Variants in AGBL4 observed in about 807,000 individuals in gnomAD.
The protein encoded by AGBL4 is AGBL carboxypeptidase 4.
A neutral mutation model predicts 66.4 loss-of-function variants in AGBL4; 58 were observed. That is an observed-to-expected ratio of 0.87 (90% confidence interval 0.71 to 1.09). AGBL4 has a LOEUF of 1.09. Ranked by LOEUF, AGBL4 falls within the 50% of genes least tolerant of loss-of-function variation. The pLI, the probability that AGBL4 is intolerant of heterozygous loss-of-function variation, is 0.00. For missense variants in AGBL4, 579 were observed against 631.0 expected, an observed-to-expected ratio of 0.92 and a Z score of 0.88; for synonymous variants, 234 against 222.9, an observed-to-expected ratio of 1.05 and a Z score of -0.44.
At chr1:49,953,098 T>C (rs1441479049) in intron 1 of AGBL4, among the ~76,000 whole-genome samples, 1 of 151,990 alleles carries the variant, frequency 6.6e-6, no homozygotes, top group Non-Finnish European at 1.5e-5. Context: ...ATGATAGCCA[T>C]GAACAGAAGC....
chr1:49,947,952 A>ATATATATATATTTATAAATATATATT, intron 1 of AGBL4, among the ~76,000 whole-genome samples: 1 of 47,334 alleles, frequency 2.1e-5, no homozygotes, highest in Non-Finnish European at 3.8e-5. Flanking sequence ...AATAGCTGCA[A>ATATATATATATTTATAAATATATATT]TATATATATA....
intron 6 of AGBL4, among the ~76,000 whole-genome samples, chr1:48,667,581 T>C (rs1646209331): frequency 6.6e-6 from 1 of 152,202 alleles, no homozygotes; most frequent in Non-Finnish European, 1.5e-5. Context: ...TAATAAATAT[T>C]TGCTGTTTCA....
chr1:48,912,227 T>A (rs1225642555), intron 5 of AGBL4, among the ~76,000 whole-genome samples: 1 of 120,810 alleles, frequency 8.3e-6, no homozygotes, highest in Admixed American at 9.0e-5. Context: ...ATTTATCCTG[T>A]ATAGCATCGG....
chr1:49,187,806 G>A (rs1044837859), intron 4 of AGBL4, among the ~76,000 whole-genome samples: 3 of 152,000 alleles, frequency 2.0e-5, no homozygotes, highest in African/African-American at 4.8e-5. Context: ...CACATTGTGC[G>A]GAATATTCTT....
At chr1:49,099,864 T>C (rs1645169665) in intron 4 of AGBL4, among the ~76,000 whole-genome samples, 1 of 152,158 alleles carries the variant, frequency 6.6e-6, no homozygotes, top group African/African-American at 2.4e-5. Flanking sequence ...GAGAAGGCCC[T>C]GGGGCTTTGG....
At chr1:48,870,890 G>A (rs1429545296) in intron 5 of AGBL4, among the ~76,000 whole-genome samples, 2 of 152,118 alleles carry the variant, frequency 1.3e-5, no homozygotes, top group Non-Finnish European at 1.5e-5. Flanking sequence ...AGGTGCAAAC[G>A]AAAACAAAAG....
intron 3 of AGBL4, among the ~76,000 whole-genome samples, chr1:49,656,146 CAAA>C (rs545673143): frequency 9.2e-6 from 1 of 108,888 alleles, no homozygotes; most frequent in African/African-American, 3.4e-5. Context: ...GACTCCGTCT[CAAA>C]AAAAAAAAAA....
chr1:49,328,209 A>G (rs374027577), intron 3 of AGBL4, among the ~76,000 whole-genome samples: 1 of 152,162 alleles, frequency 6.6e-6, no homozygotes, highest in African/African-American at 2.4e-5. Flanking sequence ...GATTAAAAAT[A>G]AAAAAAGGCA....
At chr1:49,835,009 T>C (rs981002383) in intron 2 of AGBL4, among the ~76,000 whole-genome samples, 3 of 152,122 alleles carry the variant, frequency 2.0e-5, no homozygotes, top group Admixed American at 1.3e-4. Context: ...GTCAATTTTA[T>C]AACAAGTGTG....
chr1:49,947,976 A>G (rs1235096006), intron 1 of AGBL4, among the ~76,000 whole-genome samples: 2 of 111,732 alleles, frequency 1.8e-5, no homozygotes, highest in East Asian at 2.3e-4. Flanking sequence ...ATATATATTT[A>G]TAAATATATA....
At chr1:48,569,308 G>A (rs757112344) in intron 11 of AGBL4, among the ~76,000 whole-genome samples, 2 of 152,206 alleles carry the variant, frequency 1.3e-5, no homozygotes, top group Admixed American at 6.5e-5. Flanking sequence ...ACTCATCTTC[G>A]ATTGCCAATG....
At chr1:48,927,689 TGGCAAATGTGTCAA>T (rs1287041951) in intron 5 of AGBL4, among the ~76,000 whole-genome samples, 5 of 152,192 alleles carry the variant, frequency 3.3e-5, no homozygotes, top group African/African-American at 1.2e-4. Context: ...TAACTGGCTT[TGGCAAATGTGTCAA>T]GCACTGTGTT....
intron 6 of AGBL4, among the ~76,000 whole-genome samples, chr1:48,840,633 T>TGCTA (rs1459491389): frequency 2.0e-5 from 3 of 152,174 alleles, no homozygotes; most frequent in Admixed American, 1.3e-4. Flanking sequence ...CAATTCCAAG[T>TGCTA]GCTAGCAAGG....
chr1:49,594,889 A>G (rs1644822645), intron 3 of AGBL4, among the ~76,000 whole-genome samples: 1 of 152,154 alleles, frequency 6.6e-6, no homozygotes, highest in Non-Finnish European at 1.5e-5. Flanking sequence ...CCCACCCAGT[A>G]ATGGGATTGC....
At chr1:49,589,546 A>C (rs2124066575) in intron 3 of AGBL4, among the ~76,000 whole-genome samples, 1 of 152,000 alleles carries the variant, frequency 6.6e-6, no homozygotes, top group Admixed American at 6.6e-5. Flanking sequence ...GGAAAGCATG[A>C]AAGTTATATG....
chr1:49,346,363 T>C (rs1645633967), intron 3 of AGBL4, among the ~76,000 whole-genome samples: 1 of 152,162 alleles, frequency 6.6e-6, no homozygotes, highest in African/African-American at 2.4e-5. Flanking sequence ...CATAAAATAT[T>C]TAGATCAGTA....
intron 3 of AGBL4, among the ~76,000 whole-genome samples, chr1:49,398,431 G>A (rs1025119482): frequency 1.3e-4 from 19 of 151,522 alleles, no homozygotes; most frequent in African/African-American, 4.4e-4. Context: ...CCTCCCCACA[G>A]GTTCTCAGAC....
At chr1:49,996,887 G>A (rs562425051) in intron 1 of AGBL4, among the ~76,000 whole-genome samples, 4 of 152,108 alleles carry the variant, frequency 2.6e-5, no homozygotes, top group Non-Finnish European at 5.9e-5. Context: ...CAAGCTAGAA[G>A]GTACTGAGGT....
intron 5 of AGBL4, among the ~76,000 whole-genome samples, chr1:49,032,582 G>A (rs750915051): frequency 6.6e-6 from 1 of 152,182 alleles, no homozygotes; most frequent in African/African-American, 2.4e-5. Flanking sequence ...GTGAAGAGGT[G>A]GCACATGGTT....
Sources: allele counts gnomAD v4.1 joint callset (sites outside exome capture counted in the v4.1 genomes callset), GRCh38; gene constraint gnomAD v4.1.1; transcripts MANE v1.5; gene names NCBI Gene and HGNC (gene_info 2026-07-23, HGNC 2026-07-21).